Variants in VPS13B observed in about 807,000 individuals in gnomAD.
VPS13B encodes the protein vacuolar protein sorting 13 homolog B, also known as intermembrane lipid transfer protein VPS13B.
VPS13B carries 285 observed loss-of-function variants against 426.4 expected under a neutral mutation model. The ratio of observed to expected loss-of-function variants is 0.67; its 90% CI spans 0.61 to 0.74. The LOEUF (loss-of-function observed/expected upper bound fraction) is 0.74, where lower values mean the gene tolerates loss of function less well. VPS13B is among the 30% of genes least tolerant of loss of function. The pLI, the probability that VPS13B is intolerant of heterozygous loss-of-function variation, is 0.00. For missense variants in VPS13B, 4,537 were observed against 4,782.6 expected (o/e 0.95, Z 1.51); for synonymous variants, 1,676 against 1,676.4 (o/e 1.00, Z 0.01).
chr8:99,181,372 T>C (rs1812938402), intron 16 of VPS13B, among the ~76,000 whole-genome samples: 1 of 152,160 alleles, frequency 6.6e-6, no homozygotes, highest in Non-Finnish European at 1.5e-5. Context: ...TTTGTGATGG[T>C]GTTATGTGAG....
At chr8:99,435,600 A>G (rs1022928512) in intron 22 of VPS13B, among the ~76,000 whole-genome samples, 9 of 152,194 alleles carry the variant, frequency 5.9e-5, no homozygotes, top group African/African-American at 1.9e-4. Flanking sequence ...CACTGCCTGA[A>G]ATAACCAAAA....
intron 3 of VPS13B, among the ~76,000 whole-genome samples, chr8:99,064,912 AG>A (rs1844396422): frequency 6.6e-6 from 1 of 152,248 alleles, no homozygotes; most frequent in African/African-American, 2.4e-5. Flanking sequence ...CTGATCTCTC[AG>A]CAGAAACTCT....
At chr8:99,798,639 C>T (rs548642048) in intron 43 of VPS13B, among the ~76,000 whole-genome samples, 17 of 152,270 alleles carry the variant, frequency 1.1e-4, no homozygotes, top group East Asian at 3.9e-4. Context: ...AAGTGCAAAG[C>T]GCCCAGAGGA....
intron 43 of VPS13B, among the ~76,000 whole-genome samples, chr8:99,795,887 G>T (rs2130742640): frequency 6.6e-6 from 1 of 152,320 alleles, no homozygotes; most frequent in African/African-American, 2.4e-5. Flanking sequence ...AGCCTCAGAA[G>T]TCATTCATTG....
intron 32 of VPS13B, 33 bp from the exon 33 acceptor site, chr8:99,577,457 T>G (rs773443336): frequency 6.2e-7 from 1 of 1,613,076 alleles, no homozygotes; most frequent in East Asian, 2.2e-5. Context: ...GCTATCATGT[T>G]TCTTTATCTG....
chr8:99,691,444 A>T (rs1421238782), intron 35 of VPS13B, among the ~76,000 whole-genome samples: 1 of 152,092 alleles, frequency 6.6e-6, no homozygotes, highest in African/African-American at 2.4e-5. Flanking sequence ...TTCCTGTTTA[A>T]AAACATGGGG....
At chr8:99,672,019 T>C (rs1187946031) in intron 35 of VPS13B, among the ~76,000 whole-genome samples, 1 of 152,154 alleles carries the variant, frequency 6.6e-6, no homozygotes, top group African/African-American at 2.4e-5. Flanking sequence ...GTTTTGGTTA[T>C]AGTTTTATAG....
intron 29 of VPS13B, among the ~76,000 whole-genome samples, chr8:99,514,628 A>G (rs1821963082): frequency 6.6e-6 from 1 of 152,226 alleles, no homozygotes; most frequent in Admixed American, 6.5e-5. Context: ...TCCTTGCTAT[A>G]GCTGAATAAT....
chr8:99,391,782 G>A, intron 21 of VPS13B, 78 bp downstream of exon 21: 5 of 1,544,734 alleles, frequency 3.2e-6, no homozygotes, highest in Non-Finnish European at 4.4e-6. Context: ...CAATTTCATG[G>A]ATGCTGGCCA....
At chr8:99,337,871 A>G (rs1374007488) in intron 19 of VPS13B, among the ~76,000 whole-genome samples, 3 of 152,218 alleles carry the variant, frequency 2.0e-5, no homozygotes, top group African/African-American at 4.8e-5. Flanking sequence ...CAAAAAATCA[A>G]GTTTTATAAA....
chr8:99,708,890 A>G (rs1042814066), intron 36 of VPS13B, among the ~76,000 whole-genome samples: 2 of 151,086 alleles, frequency 1.3e-5, no homozygotes, highest in African/African-American at 2.4e-5. Context: ...CTCTCTATAT[A>G]TGGGCTTATT....
At position 99,717,371 on chromosome 8, in the gene VPS13B, C is replaced by A; in HGVS notation, c.6655C>A (p.Gln2219Lys). The change falls in exon 37 of 62, where the codon CAG (glutamine) becomes AAG (lysine). Residue 2219 changes from glutamine to lysine, a missense_variant and splice_region_variant. Gln to Lys is a moderately conservative substitution (Grantham distance 53, BLOSUM62 1). Around this residue, in one of 2 missense-constraint regions of VPS13B, gnomAD observed 4,311 missense variants for 4,474.3 expected, o/e 0.96. Coordinates refer to ENST00000357162, the MANE Select transcript of VPS13B (RefSeq NM_152564.5). The stretch of plus-strand genomic sequence containing the variant: ...CATTGACTTAAGAGGAGGTCTACTA[C>A]AGGTCTGTGGGTATTGGCCATATTT... ...ISIDLRGGLL[Q>K]VFWGQEHLNC... 4 of 1,613,608 alleles carry A rather than the reference C, an allele frequency of 2.5e-6. No individual in the cohort carries two copies. Among genetic ancestry groups the A allele is most frequent in the Non-Finnish European group, 3.4e-6 (4 of 1,179,664 alleles).
chr8:99,627,396 CATTTT>C (rs1197329765), intron 33 of VPS13B, among the ~76,000 whole-genome samples: 4 of 151,908 alleles, frequency 2.6e-5, no homozygotes, highest in Non-Finnish European at 4.4e-5. Flanking sequence ...AATCATGCCA[CATTTT>C]ATTTTATTTT....
At chr8:99,842,418 GCAACA>G (rs1251962348) in intron 54 of VPS13B, among the ~76,000 whole-genome samples, 2 of 151,712 alleles carry the variant, frequency 1.3e-5, no homozygotes, top group East Asian at 3.9e-4. Flanking sequence ...ACCCATCTGG[GCAACA>G]TAGCAAGAAC....
At chr8:99,634,187 C>T (rs1828978544) in intron 33 of VPS13B, among the ~76,000 whole-genome samples, 1 of 151,902 alleles carries the variant, frequency 6.6e-6, no homozygotes, top group South Asian at 2.1e-4. Context: ...TTGAACTTAC[C>T]TATGTGCCCA....
At chr8:99,840,615 T>G (rs1253846662) in intron 54 of VPS13B, among the ~76,000 whole-genome samples, 3 of 152,220 alleles carry the variant, frequency 2.0e-5, no homozygotes, top group Non-Finnish European at 4.4e-5. Flanking sequence ...TAGCCCATGT[T>G]TCTTAAATAA....
At chr8:99,698,511 T>G (rs1159559213) in intron 35 of VPS13B, among the ~76,000 whole-genome samples, 2 of 152,350 alleles carry the variant, frequency 1.3e-5, no homozygotes, top group East Asian at 1.9e-4. Flanking sequence ...AGATCTCTCT[T>G]CCTGCACACA....
At chr8:99,430,563 C>G (rs759111228) in intron 21 of VPS13B, among the ~76,000 whole-genome samples, 1 of 152,096 alleles carries the variant, frequency 6.6e-6, no homozygotes, top group East Asian at 1.9e-4. Flanking sequence ...ATTATGAAAA[C>G]ATGGTTGAAA....
chr8:99,666,409 A>G (rs1310423723), intron 35 of VPS13B, among the ~76,000 whole-genome samples: 1 of 152,224 alleles, frequency 6.6e-6, no homozygotes, highest in Non-Finnish European at 1.5e-5. Flanking sequence ...AAAATCCTCA[A>G]TAAAATACTG....
Sources: allele counts gnomAD v4.1 joint callset (sites outside exome capture counted in the v4.1 genomes callset), GRCh38; gene constraint gnomAD v4.1.1; regional missense constraint gnomAD v4.1.1; transcripts MANE v1.5; gene names NCBI Gene and HGNC (gene_info 2026-07-23, HGNC 2026-07-21).